METTL22: variants seen among roughly 807,000 people sequenced by gnomAD.
The protein encoded by METTL22 is methyltransferase-like protein 22.
A neutral mutation model predicts 48.4 loss-of-function variants in METTL22; 51 were observed. That is an observed-to-expected ratio of 1.05 (90% CI 0.84 to 1.33). The LOEUF (loss-of-function observed/expected upper bound fraction) is 1.33, where lower values mean the gene tolerates loss of function less well. METTL22 is among the 40% of genes most tolerant of loss of function. The probability of loss-of-function intolerance (pLI) is 0.00; values close to 1 mark genes in which losing one functional copy is unlikely to be tolerated. For missense variants in METTL22, 678 were observed against 526.9 expected, an observed-to-expected ratio of 1.29 and a Z score of -2.81; for synonymous variants, 255 against 214.1, an observed-to-expected ratio of 1.19 and a Z score of -1.67.
chr16:8,665,744 C>T, the METTL22 span, among the ~76,000 whole-genome samples: 2 of 152,180 alleles, frequency 1.3e-5, no homozygotes, highest in Non-Finnish European at 2.9e-5. Flanking sequence ...GAAGACCAAT[C>T]GGGCCCAGGG....
chr16:8,653,377 C>T (rs896213544), downstream of METTL22, among the ~76,000 whole-genome samples: 2 of 152,032 alleles, frequency 1.3e-5, no homozygotes, highest in Admixed American at 6.6e-5. Flanking sequence ...TCAGGTGCCT[C>T]GGAGTCTTGG....
rs138397520 is a variant in METTL22, at chr16:8,625,698, C to A, written c.33C>A (p.Asp11Glu). 6.2e-7 allele frequency: 1 copy of A among 1,614,132 alleles called. No individual in the cohort carries two copies. The highest frequency in any genetic ancestry group is 8.5e-7 in the Non-Finnish European group (1 of 1,180,026). Residue 11 changes from aspartate (D) to glutamate (E), a missense_variant, in exon 2 of 11, where the codon GAC becomes GAA. Transcript: ENST00000381920. MVQLAPAAAM[D>E]EVTFRSDTVL... is the part of the protein sequence containing the mutation. The stretch of plus-strand genomic sequence containing the variant: ...AGCTGGCTCCTGCGGCAGCCATGGA[C>A]GAGGTCACCTTTAGGAGCGACACTG...
At chr16:8,639,431 C>T in intron 6 of METTL22, 1 of 528,814 alleles carries the variant, frequency 1.9e-6, no homozygotes, top group Admixed American at 3.1e-5. Flanking sequence ...AGCTGGTCTC[C>T]CCAGCTCCTT....
chr16:8,655,562 C>T, the METTL22 span, among the ~76,000 whole-genome samples: 1 of 152,226 alleles, frequency 6.6e-6, no homozygotes, highest in Non-Finnish European at 1.5e-5. Flanking sequence ...AAGTGAGTCA[C>T]TAAGTCCAGC....
downstream of METTL22, among the ~76,000 whole-genome samples, chr16:8,650,281 G>T (rs1467734341): frequency 6.6e-6 from 1 of 152,188 alleles, no homozygotes; most frequent in Admixed American, 6.5e-5. Flanking sequence ...CTGTGATTGT[G>T]CCACTGCACT....
rs780879685 is a variant in METTL22, at chr16:8,644,553, G to C, written c.1011-4G>C. The C allele has an allele frequency of 7.8e-6, 12 of 1,535,890 alleles. No homozygotes were observed. Among genetic ancestry groups the C allele is most frequent in the Non-Finnish European group, 9.7e-6 (11 of 1,137,628 alleles). The stretch of plus-strand genomic sequence containing the variant: ...GTTTGTGCGTCCGACTGGCTGGTTT[G>C]CAGGCTCAACTTCACATTGAGACAC... On this transcript the variant is annotated splice_region_variant and splice_polypyrimidine_tract_variant and intron_variant, in intron 9 of 10. Coordinates refer to ENST00000381920, the MANE Select transcript of METTL22 (RefSeq NM_024109.4).
At chr16:8,654,615 GA>G (rs2056939720), downstream of METTL22, among the ~76,000 whole-genome samples, 1 of 152,196 alleles carries the variant, frequency 6.6e-6, no homozygotes, top group African/African-American at 2.4e-5. Context: ...AAAACAGATA[GA>G]TCAAGCCAAG....
At chr16:8,641,228 C>A in intron 7 of METTL22, 44 bp downstream of exon 7, 1 of 1,589,950 alleles carries the variant, frequency 6.3e-7, no homozygotes, top group Non-Finnish European at 8.6e-7. Context: ...TTCAGTGATT[C>A]CTTTGTAATA....
intron 3 of METTL22, among the ~76,000 whole-genome samples, chr16:8,633,084 A>T (rs1367674979): frequency 6.6e-6 from 1 of 152,110 alleles, no homozygotes; most frequent in Non-Finnish European, 1.5e-5. Context: ...AGGAGATGGC[A>T]TGGGTGGGAC....
At chr16:8,641,541 C>G (rs2141793798) in intron 7 of METTL22, 1 of 502,726 alleles carries the variant, frequency 2.0e-6, no homozygotes, top group Non-Finnish European at 3.9e-6. Flanking sequence ...CATTTCCCAA[C>G]AAACAGTGGT....
chr16:8,649,064 A>C lies in METTL22; in HGVS notation c.*2921A>C, dbSNP rs1455080560. 6.6e-6 allele frequency: 1 copy of C among 152,262 alleles called. No individual in the cohort carries two copies. The highest frequency in any genetic ancestry group is 1.5e-5 in the Non-Finnish European group (1 of 68,048). 9.4% of individuals were successfully genotyped at this position (152,262 alleles called of 1,614,324 possible). A position where few individuals can be genotyped will look rare whatever the true frequency, so the allele number is the denominator to read the frequency against. On this transcript the variant is annotated 3_prime_UTR_variant, in exon 11 of 11. Coordinates refer to ENST00000381920, the MANE Select transcript of METTL22 (RefSeq NM_024109.4). ...CAGAGCCAACAACTGGCAGTACGTC[A>C]GCACTAATGGTGACAATTTCCTAGC... is the stretch of plus-strand genomic sequence containing the variant.
chr16:8,661,643 T>TG, the METTL22 span, among the ~76,000 whole-genome samples: 2 of 8,366 alleles, frequency 2.4e-4, 1 homozygote, highest in African/African-American at 1.2e-3. Context: ...AGACTCCGTC[T>TG]CAAAAAAAAA....
Position 8,648,078 on chromosome 16 carries a change from C to G in METTL22, c.*1935C>G, listed in dbSNP as rs553137757. On this transcript the variant is annotated 3_prime_UTR_variant, in exon 11 of 11. Coordinates refer to ENST00000381920, the MANE Select transcript of METTL22 (RefSeq NM_024109.4). ...TTGGCTCACTCCTGCAATCCCGATA[C>G]TTTGGGAGGCCAAGGCAGGAGGATC... is the stretch of plus-strand genomic sequence containing the variant. 1.3e-5 allele frequency: 2 copies of G among 152,374 alleles called. No individual in the cohort carries two copies. The highest frequency in any genetic ancestry group is 4.1e-4 in the South Asian group (2 of 4,830). The allele number at this position is 152,374 out of a possible 1,614,324, so 9.4% of individuals were successfully genotyped here.
chr16:8,631,807 G>A (rs1247205464), intron 3 of METTL22: 5 of 152,192 alleles, frequency 3.3e-5, no homozygotes, highest in Admixed American at 3.3e-4. Flanking sequence ...TGATACCTTT[G>A]GGATTATTTA....
chr16:8,625,641 C>T lies in METTL22; in HGVS notation c.-25C>T. On this transcript the variant is annotated 5_prime_UTR_variant, in exon 2 of 11. Coordinates refer to ENST00000381920, the MANE Select transcript of METTL22 (RefSeq NM_024109.4). The stretch of plus-strand genomic sequence containing the variant: ...TTCTCACCTCTGAGGGACTCCTGTC[C>T]TAGGACTAAGGTGGAGCCTGGGCCA... 2 of 1,613,642 alleles carry T rather than the reference C, an allele frequency of 1.2e-6. No individual in the cohort carries two copies. Among genetic ancestry groups the T allele is most frequent in the Non-Finnish European group, 1.7e-6 (2 of 1,179,852 alleles).
At position 8,632,904 on chromosome 16, in the gene METTL22, A is replaced by T. The variant is rs139144645; in HGVS notation, c.515-2135A>T. ...CTGGGAGGCAGAACTTACGTCCACG[A>T]GACCCCTGGAAGGAAGTGACCAATC... On this transcript the variant is annotated intron_variant, in intron 3 of 10. Transcript: ENST00000381920. Among the ~76,000 whole-genome samples the T allele has an allele frequency of 3.6e-3, 550 of 152,276 alleles. 2 individuals carry two copies. Among genetic ancestry groups the T allele is most frequent in the Middle Eastern group, 0.01 (3 of 294 alleles).
chr16:8,660,646 G>A, the METTL22 span, among the ~76,000 whole-genome samples: 5 of 151,754 alleles, frequency 3.3e-5, no homozygotes, highest in Non-Finnish European at 4.4e-5. Flanking sequence ...ATGTTTTAAT[G>A]GTTTGAGAAT....
chr16:8,643,081 A>G (rs1032073693), intron 9 of METTL22, among the ~76,000 whole-genome samples: 1 of 152,192 alleles, frequency 6.6e-6, no homozygotes, highest in Non-Finnish European at 1.5e-5. Flanking sequence ...TGATAGCTAC[A>G]CACATTCTCC....
In METTL22 at chr16:8,647,894, C is replaced by G. The variant is rs571485022; in HGVS notation, c.*1751C>G. On this transcript the variant is annotated 3_prime_UTR_variant, in exon 11 of 11. Coordinates refer to ENST00000381920, the MANE Select transcript of METTL22 (RefSeq NM_024109.4). The stretch of plus-strand genomic sequence containing the variant: ...AGAGGTTCAGCAACTTGCCCAACAT[C>G]ACACAGCAACCAAGGGCAGAGTCAG... 3.9e-5 allele frequency: 6 copies of G among 152,396 alleles called. No individual in the cohort carries two copies. Among genetic ancestry groups the G allele is most frequent in the African/African-American group, 1.4e-4 (6 of 41,592 alleles). 9.4% of individuals were successfully genotyped at this position (152,396 alleles called of 1,614,324 possible).
Sources: allele counts gnomAD v4.1 joint callset (sites outside exome capture counted in the v4.1 genomes callset), GRCh38; gene constraint gnomAD v4.1.1; transcripts MANE v1.5; gene names NCBI Gene and HGNC (gene_info 2026-07-23, HGNC 2026-07-21).